PALM2AKAP2: variants seen among roughly 807,000 people sequenced by gnomAD.
The protein encoded by PALM2AKAP2 is PALM2 and AKAP2 fusion, also known as PALM2-AKAP2 fusion protein.
PALM2AKAP2 carries 37 observed loss-of-function variants against 71.5 expected under a neutral mutation model. The ratio of observed to expected loss-of-function variants is 0.52; its 90% CI spans 0.40 to 0.68. The LOEUF (loss-of-function observed/expected upper bound fraction) is 0.68. Ranked by LOEUF, PALM2AKAP2 falls within the 30% of genes least tolerant of loss-of-function variation. The pLI, the probability that PALM2AKAP2 is intolerant of heterozygous loss-of-function variation, is 0.00. For synonymous variants in PALM2AKAP2, 468 were observed against 478.8 expected (o/e 0.98, Z 0.29); for missense variants, 1,224 against 1,191.8 (o/e 1.03, Z -0.40).
At chr9:110,039,454 G>A (rs999721459) in intron 7 of PALM2AKAP2, among the ~76,000 whole-genome samples, 2 of 152,108 alleles carry the variant, frequency 1.3e-5, no homozygotes, top group African/African-American at 4.8e-5. Context: ...GATAAGAAGG[G>A]AGGGATGGCG....
intron 7 of PALM2AKAP2, among the ~76,000 whole-genome samples, chr9:110,040,870 G>A (rs765762011): frequency 2.0e-5 from 3 of 152,160 alleles, no homozygotes; most frequent in Non-Finnish European, 2.9e-5. Context: ...TGAACAAGCT[G>A]TGTACATTCC....
At position 109,922,103 on chromosome 9, in the gene PALM2AKAP2, A is replaced by G. The variant is rs952114790; in HGVS notation, c.258-1632A>G. Among the ~76,000 whole-genome samples the G allele has an allele frequency of 3.9e-5, 6 of 152,032 alleles. No individual in the cohort carries two copies. The East Asian group carries it at 1.2e-3, about 29-fold the overall frequency. ...TATTTTAGGTCTAAGTCTAATGGCCAGTTCCCGAGAGCAGATTAAAAGATG... is the reference window on the plus strand; with the variant it reads ...TATTTTAGGTCTAAGTCTAATGGCCGGTTCCCGAGAGCAGATTAAAAGATG... On this transcript the variant is annotated intron_variant, in intron 3 of 9. Transcript: ENST00000302798.
chr9:110,041,972 AGC>A, intron 7 of PALM2AKAP2, among the ~76,000 whole-genome samples: 1 of 152,254 alleles, frequency 6.6e-6, no homozygotes, highest in Non-Finnish European at 1.5e-5. Context: ...ACATCTTAAA[AGC>A]TGACCACCTT....
chr9:109,867,388 G>A, intron 1 of PALM2AKAP2, 103 bp from the exon 2 acceptor site: 6 of 1,332,200 alleles, frequency 4.5e-6, no homozygotes, highest in Non-Finnish European at 6.3e-6. Context: ...GTCTCTGGAA[G>A]TGTCTATACA....
chr9:109,765,236 G>C (rs1829129871), intron 1 of PALM2AKAP2, among the ~76,000 whole-genome samples: 1 of 152,194 alleles, frequency 6.6e-6, no homozygotes, highest in South Asian at 2.1e-4. Flanking sequence ...TCAGTGATTT[G>C]TGAAGAGGTT....
chr9:110,115,446 G>A (rs569971951), intron 1 of PALM2AKAP2, among the ~76,000 whole-genome samples: 12 of 152,214 alleles, frequency 7.9e-5, no homozygotes, highest in Non-Finnish European at 1.6e-4. Flanking sequence ...GCCCTGGCTC[G>A]AGTCTTCATT....
At chr9:109,940,537 G>C (rs1287643440) in intron 6 of PALM2AKAP2, among the ~76,000 whole-genome samples, 3 of 152,152 alleles carry the variant, frequency 2.0e-5, no homozygotes, top group Non-Finnish European at 4.4e-5. Context: ...AATGGAAAAG[G>C]AGCACTAGAA....
intron 3 of PALM2AKAP2, among the ~76,000 whole-genome samples, chr9:109,916,149 G>T (rs1436214582): frequency 1.3e-5 from 2 of 152,106 alleles, no homozygotes; most frequent in African/African-American, 4.8e-5. Context: ...TCACCACATT[G>T]GACAGGCTGG....
At chr9:109,701,781 A>G (rs1178638143) in intron 1 of PALM2AKAP2, among the ~76,000 whole-genome samples, 1 of 152,258 alleles carries the variant, frequency 6.6e-6, no homozygotes, top group Non-Finnish European at 1.5e-5. Flanking sequence ...GCACGGCAAA[A>G]GAAACTACCA....
chr9:109,965,617 C>G (rs968902017), intron 6 of PALM2AKAP2, among the ~76,000 whole-genome samples: 5 of 152,234 alleles, frequency 3.3e-5, no homozygotes, highest in Admixed American at 1.3e-4. Context: ...TACAGAATTT[C>G]AGTTTGGGAT....
At chr9:109,681,947 A>C (rs558294776) in intron 1 of PALM2AKAP2, among the ~76,000 whole-genome samples, 1 of 152,216 alleles carries the variant, frequency 6.6e-6, no homozygotes, top group Admixed American at 6.5e-5. Flanking sequence ...GAACAGAAGC[A>C]TTTAAATGCC....
At chr9:109,853,541 C>T (rs963634651) in intron 1 of PALM2AKAP2, among the ~76,000 whole-genome samples, 1 of 152,140 alleles carries the variant, frequency 6.6e-6, no homozygotes, top group Non-Finnish European at 1.5e-5. Context: ...AACCAAACAC[C>T]TGTGGTTTAA....
chr9:109,880,744 C>A, intron 3 of PALM2AKAP2, 63 bp downstream of exon 3: 1 of 1,573,576 alleles, frequency 6.4e-7, no homozygotes, highest in Non-Finnish European at 8.6e-7. Context: ...CCACTGCTCT[C>A]CTCTAGGTGG....
chr9:109,837,010 A>C (rs1042419683), intron 1 of PALM2AKAP2, among the ~76,000 whole-genome samples: 1 of 152,226 alleles, frequency 6.6e-6, no homozygotes, highest in African/African-American at 2.4e-5. Flanking sequence ...CAACATTCAA[A>C]TTCAGGAAAT....
chr9:110,108,072 C>A (rs1007594417), intron 1 of PALM2AKAP2, among the ~76,000 whole-genome samples: 2 of 137,910 alleles, frequency 1.5e-5, no homozygotes, highest in African/African-American at 5.6e-5. Flanking sequence ...AGCTATTTTG[C>A]TGTTATTTTT....
chr9:110,104,963 G>T (rs2118898416), intron 1 of PALM2AKAP2, among the ~76,000 whole-genome samples: 1 of 152,282 alleles, frequency 6.6e-6, no homozygotes, highest in East Asian at 1.9e-4. Context: ...CCAGACTTGA[G>T]ATATTAGTTA....
intron 7 of PALM2AKAP2, among the ~76,000 whole-genome samples, chr9:110,039,681 G>A (rs954010268): frequency 1.9e-4 from 25 of 131,716 alleles, no homozygotes; most frequent in African/African-American, 6.8e-4. Flanking sequence ...AGAAAATTCC[G>A]AAGTCAAACA....
At chr9:109,692,686 T>C (rs968554653) in intron 1 of PALM2AKAP2, among the ~76,000 whole-genome samples, 1 of 152,028 alleles carries the variant, frequency 6.6e-6, no homozygotes, top group Non-Finnish European at 1.5e-5. Flanking sequence ...CACCTGTTGG[T>C]ATTACTATAT....
intron 1 of PALM2AKAP2, among the ~76,000 whole-genome samples, chr9:109,742,567 G>T (rs139332988): frequency 6.2e-4 from 94 of 152,232 alleles, no homozygotes; most frequent in African/African-American, 2.2e-3. Context: ...GTACTCATTT[G>T]TCTGTGTTCT....
Sources: allele counts gnomAD v4.1 joint callset (sites outside exome capture counted in the v4.1 genomes callset), GRCh38; gene constraint gnomAD v4.1.1; transcripts MANE v1.5; gene names NCBI Gene and HGNC (gene_info 2026-07-23, HGNC 2026-07-21).